Variants in AGXT2 observed in about 807,000 individuals in gnomAD.
The protein encoded by AGXT2 is alanine--glyoxylate aminotransferase 2.
AGXT2 carries 61 observed loss-of-function variants against 62.5 expected under a neutral mutation model. The ratio of observed to expected loss-of-function variants is 0.98; its 90% CI spans 0.79 to 1.21. AGXT2 has a LOEUF of 1.21. AGXT2 is among the 50% of genes most tolerant of loss of function. The probability of loss-of-function intolerance (pLI) is 0.00; values close to 1 mark genes in which losing one functional copy is unlikely to be tolerated. For synonymous variants in AGXT2, 243 were observed against 218.7 expected (o/e 1.11, Z -0.98); for missense variants, 666 against 641.5 (o/e 1.04, Z -0.41).
intron 7 of AGXT2, among the ~76,000 whole-genome samples, chr5:35,030,724 A>G (rs996429665): frequency 1.6e-4 from 25 of 152,174 alleles, no homozygotes; most frequent in Non-Finnish European, 4.4e-5. Flanking sequence ...AAAGAGGAAC[A>G]TATAGCAGGA....
intron 13 of AGXT2, among the ~76,000 whole-genome samples, chr5:34,999,848 T>G (rs934227772): frequency 1.3e-5 from 2 of 152,156 alleles, no homozygotes; most frequent in Admixed American, 6.5e-5. Flanking sequence ...CAACTCCAAA[T>G]TGTCCACCTA....
chr5:35,035,153 GTAAAGCT>G, intron 5 of AGXT2, 62 bp downstream of exon 5: 3 of 1,323,576 alleles, frequency 2.3e-6, no homozygotes, highest in Non-Finnish European at 3.3e-6. Context: ...ATGCTACAAT[GTAAAGCT>G]ACACATTTAG....
intron 9 of AGXT2, among the ~76,000 whole-genome samples, chr5:35,022,267 T>G (rs1198295829): frequency 2.0e-5 from 3 of 152,138 alleles, no homozygotes; most frequent in African/African-American, 7.2e-5. Flanking sequence ...TAAAGACACA[T>G]GCACACGTAT....
At position 35,042,864 on chromosome 5, in the gene AGXT2, T is replaced by G. The variant is rs148454781; in HGVS notation, c.89-2201A>C. Among the ~76,000 whole-genome samples, 250 of 152,236 alleles carry G rather than the reference T, an allele frequency of 1.6e-3. 3 individuals are homozygous for G. Among genetic ancestry groups the G allele is most frequent in the African/African-American group, 5.9e-3 (244 of 41,528 alleles). On this transcript the variant is annotated intron_variant, in intron 1 of 13. Coordinates refer to ENST00000231420, the MANE Select transcript of AGXT2 (RefSeq NM_031900.4). ...ATTTCTGAATAGGTATTTGTTTTGT[T>G]TTGTCTTATTGTTTTAACTAATCGG... is the stretch of plus-strand genomic sequence containing the variant.
At chr5:35,030,052 G>A (rs1767502458) in intron 7 of AGXT2, among the ~76,000 whole-genome samples, 1 of 152,210 alleles carries the variant, frequency 6.6e-6, no homozygotes, top group Non-Finnish European at 1.5e-5. Flanking sequence ...AACTGTACAT[G>A]TTTGGATGCT....
At position 35,012,974 on chromosome 5, in the gene AGXT2, T is replaced by A. The variant is rs1429497713; in HGVS notation, c.1168A>T (p.Ile390Phe). The change falls in exon 11 of 14, where the codon ATT (isoleucine) becomes TTT (phenylalanine). Residue 390 changes from isoleucine to phenylalanine, a missense_variant. By Grantham distance (21) the Ile-to-Phe change is conservative. Coordinates refer to ENST00000231420, the MANE Select transcript of AGXT2 (RefSeq NM_031900.4). Reference sequence around the variant, plus strand: ...CCAACCTCAAGCACAGCAGATCCAATGGCACAGGCCATGGGGTTCCCTCCA... The same window carrying A: ...CCAACCTCAAGCACAGCAGATCCAAAGGCACAGGCCATGGGGTTCCCTCCA... Reference protein sequence around the residue: ...TFGGNPMACAIGSAVLEVIKE... With the variant: ...TFGGNPMACAFGSAVLEVIKE... 1.9e-6 allele frequency: 3 copies of A among 1,551,604 alleles called. No homozygotes were observed. The highest frequency in any genetic ancestry group is 1.7e-4 in the Middle Eastern group (1 of 6,014).
At chr5:35,036,885 C>T in intron 4 of AGXT2, 57 bp downstream of exon 4, 2 of 1,610,024 alleles carry the variant, frequency 1.2e-6, no homozygotes, top group South Asian at 1.1e-5. Flanking sequence ...GAGCTGGGAG[C>T]ATCATACCTT....
intron 10 of AGXT2, 53 bp downstream of exon 10, chr5:35,013,934 A>G (rs945270372): frequency 4.3e-6 from 7 of 1,613,110 alleles, no homozygotes; most frequent in African/African-American, 1.3e-5. Flanking sequence ...GTGTTATACC[A>G]TAGCCCAATG....
chr5:35,040,188 CT>C (rs1405474753), intron 2 of AGXT2, among the ~76,000 whole-genome samples: 1 of 152,154 alleles, frequency 6.6e-6, no homozygotes, highest in African/African-American at 2.4e-5. Context: ...ATAATTTTTG[CT>C]GGAGTACCCA....
At chr5:35,010,260 G>A in intron 11 of AGXT2, 111 bp from the exon 12 acceptor site, 3 of 1,346,890 alleles carry the variant, frequency 2.2e-6, no homozygotes, top group East Asian at 2.3e-5. Flanking sequence ...CAAACAGAAT[G>A]CAGAACAAGT....
At chr5:35,030,440 G>A (rs551782393) in intron 7 of AGXT2, among the ~76,000 whole-genome samples, 7 of 152,260 alleles carry the variant, frequency 4.6e-5, no homozygotes, top group South Asian at 2.1e-4. Flanking sequence ...CCCGGGAGGC[G>A]GAGGTTGCAG....
chr5:35,003,890 A>G (rs370989943), intron 12 of AGXT2, 29 bp from the exon 13 acceptor site: 5 of 1,604,748 alleles, frequency 3.1e-6, no homozygotes, highest in Non-Finnish European at 3.4e-6. Flanking sequence ...AATTCTTTCT[A>G]TTTGGTGTTG....
At chr5:35,017,354 G>A (rs2112212737) in intron 9 of AGXT2, among the ~76,000 whole-genome samples, 1 of 152,270 alleles carries the variant, frequency 6.6e-6, no homozygotes, top group South Asian at 2.1e-4. Flanking sequence ...GTTTGGCTGT[G>A]TCCCCACCCA....
rs757442468 is a variant in AGXT2, at chr5:35,032,813, C to T, written c.688G>A (p.Asp230Asn). The T allele has an allele frequency of 6.2e-7, 1 of 1,604,814 alleles. No individual in the cohort carries two copies. The highest frequency in any genetic ancestry group is 1.1e-5 in the South Asian group (1 of 89,162). ...CCTCCCCAAGGGCCACGAAAAACAT[C>T]TGGACACATTGTCTGCAAATGACAA... ...GTGCQPTMCP[D>N]VFRGPWGGSH... Residue 230 changes from aspartate to asparagine, a missense_variant, in exon 7 of 14, where the codon GAT becomes AAT. Transcript: ENST00000231420.
chr5:35,008,793 TGGTAAAACCAAAGA>T (rs1452214427), intron 12 of AGXT2, among the ~76,000 whole-genome samples: 1 of 152,184 alleles, frequency 6.6e-6, no homozygotes, highest in African/African-American at 2.4e-5. Flanking sequence ...AGTAGAATGG[TGGTAAAACCAAAGA>T]GGTAGAAATT....
At chr5:35,032,077 C>T (rs547624735) in intron 7 of AGXT2, among the ~76,000 whole-genome samples, 3 of 151,560 alleles carry the variant, frequency 2.0e-5, no homozygotes, top group Non-Finnish European at 4.4e-5. Flanking sequence ...CTCAGCCTCC[C>T]GAGTAGCTGG....
At chr5:34,999,825 T>C (rs1766163181) in intron 13 of AGXT2, among the ~76,000 whole-genome samples, 2 of 152,166 alleles carry the variant, frequency 1.3e-5, no homozygotes, top group African/African-American at 4.8e-5. Flanking sequence ...GAGAACAAGG[T>C]GTATTTGCTG....
intron 1 of AGXT2, among the ~76,000 whole-genome samples, chr5:35,043,632 A>C (rs1046518738): frequency 2.0e-5 from 3 of 152,126 alleles, no homozygotes; most frequent in Non-Finnish European, 4.4e-5. Flanking sequence ...TCCCAGGCTC[A>C]AACAATTCTC....
intron 12 of AGXT2, 41 bp from the exon 13 acceptor site, chr5:35,003,902 A>G (rs1370482864): frequency 2.5e-6 from 4 of 1,590,386 alleles, no homozygotes; most frequent in Non-Finnish European, 3.4e-6. Context: ...TTGGTGTTGG[A>G]ATGGTTAAAG....
Sources: gnomAD v4.1 joint callset for allele counts (sites outside exome capture counted in the v4.1 genomes callset) on GRCh38, gnomAD v4.1.1 for gene constraint, MANE v1.5 for transcripts, NCBI Gene and HGNC (gene_info 2026-07-23, HGNC 2026-07-21) for gene names.